The following ATAD5 variants were observed in gnomAD, a reference collection of about 807,000 sequenced individuals.
ATAD5 encodes the protein ATPase family AAA domain-containing protein 5.
In ATAD5, 58 loss-of-function variants were observed where a neutral mutation model predicts 176.9. The ratio of observed to expected loss-of-function variants is 0.33; its 90% CI spans 0.27 to 0.41. The LOEUF (loss-of-function observed/expected upper bound fraction) is 0.41, where lower values mean the gene tolerates loss of function less well. ATAD5 is among the 10% of genes least tolerant of loss of function. ATAD5 has a pLI of 1.00. For missense variants in ATAD5, 1,789 were observed against 2,094.1 expected (o/e 0.85, Z 2.84); for synonymous variants, 640 against 712.6 (o/e 0.90, Z 1.62).
At position 30,890,421 on chromosome 17, in the gene ATAD5, T is replaced by TTC. The variant is rs201927044; in HGVS notation, c.4259-2185_4259-2184insCT. Among the ~76,000 whole-genome samples, 562 of 133,848 alleles carry TTC rather than the reference T, an allele frequency of 4.2e-3. 5 individuals carry two copies. The highest frequency in any genetic ancestry group is 0.013 in the African/African-American group (483 of 37,486). The allele number at this position is 133,848 out of a possible 152,430, so 87.8% of individuals were successfully genotyped here. ...ACAGCATAATTTCTCTTCTTTTCTT[T>TTC]TTTTTTTTTTTTTTTTTTGAGATGG... On this transcript the variant is annotated intron_variant, in intron 19 of 22. Coordinates refer to ENST00000321990, the MANE Select transcript of ATAD5 (RefSeq NM_024857.5).
At chr17:30,861,261 T>G (rs1006749021) in intron 10 of ATAD5, among the ~76,000 whole-genome samples, 2 of 140,892 alleles carry the variant, frequency 1.4e-5, no homozygotes, top group Admixed American at 1.6e-4. Context: ...ATGATGACAG[T>G]CTGCACCAGA....
chr17:30,858,426 C>T (rs1907414885), intron 9 of ATAD5, 103 bp downstream of exon 9: 1 of 909,858 alleles, frequency 1.1e-6, no homozygotes, highest in Non-Finnish European at 1.4e-6. Flanking sequence ...GCTCTTGTCG[C>T]CCTGGCTGGA....
At chr17:30,874,607 C>CTATTTATT (rs200064158) in intron 14 of ATAD5, among the ~76,000 whole-genome samples, 10,155 of 133,106 alleles carry the variant, frequency 0.076, 629 homozygotes, top group African/African-American at 0.16. Flanking sequence ...ATCTGTTCAA[C>CTATTTATT]TATTTATTTA....
chr17:30,881,327 A>C (rs2142429765), intron 18 of ATAD5, among the ~76,000 whole-genome samples: 1 of 152,064 alleles, frequency 6.6e-6, no homozygotes, highest in South Asian at 2.1e-4. Context: ...GTAGTGGCAC[A>C]ATTGTCCTGT....
chr17:30,886,193 T>C (rs1440686049), intron 18 of ATAD5, among the ~76,000 whole-genome samples: 2 of 151,242 alleles, frequency 1.3e-5, no homozygotes, highest in Non-Finnish European at 2.9e-5. Context: ...TTAAGAATTG[T>C]CTTTGTTAGC....
At position 30,877,526 on chromosome 17, in the gene ATAD5, A is replaced by G. The variant is rs1417877837; in HGVS notation, c.3895A>G (p.Thr1299Ala). ...GAEEPSRKNA[T>A]SLILFEEVDV... ...TGAAGAACCCAGCAGAAAAAATGCA[A>G]CATCTCTTATTCTTTTTGAGGAGGT... The change falls in exon 16 of 23, where the codon ACA becomes GCA. Residue 1299 changes from threonine (T) to alanine (A), a missense_variant. This residue lies in a region of ATAD5 where 194 missense variants were observed against 270.1 expected (regional missense o/e 0.72). Coordinates refer to ENST00000321990, the MANE Select transcript of ATAD5 (RefSeq NM_024857.5). 1.2e-6 allele frequency: 2 copies of G among 1,611,204 alleles called. No homozygotes were observed. The highest frequency in any genetic ancestry group is 2.2e-5 in the East Asian group (1 of 44,790).
chr17:30,855,455 T>A, intron 7 of ATAD5, 128 bp downstream of exon 7: 1 of 1,018,304 alleles, frequency 9.8e-7, no homozygotes, highest in Non-Finnish European at 1.4e-6. Flanking sequence ...GTGGGAATTT[T>A]AAGGACAATT....
chr17:30,888,633 A>G (rs1909450387), intron 19 of ATAD5, among the ~76,000 whole-genome samples: 1 of 152,156 alleles, frequency 6.6e-6, no homozygotes, highest in African/African-American at 2.4e-5. Flanking sequence ...ACTCTTTACA[A>G]TTAATATATA....
chr17:30,893,110 C>A (rs9889968), intron 20 of ATAD5, among the ~76,000 whole-genome samples, 184 bp from the exon 21 acceptor site: 15,976 of 151,926 alleles, frequency 0.11, 949 homozygotes, highest in South Asian at 0.24. Context: ...CCAAATTAAT[C>A]GTCTAAATTT....
chr17:30,878,951 C>G (rs998312451), intron 17 of ATAD5, among the ~76,000 whole-genome samples: 3 of 152,038 alleles, frequency 2.0e-5, no homozygotes, highest in African/African-American at 4.8e-5. Context: ...AGGCTGGTCT[C>G]GAACTCCTGA....
rs565666737 is a variant in ATAD5, at chr17:30,843,711, TATC to T, written c.2242-199_2242-197del. Among the ~76,000 whole-genome samples, 545 of 152,044 alleles carry T rather than the reference TATC, an allele frequency of 3.6e-3. 3 individuals carry two copies. Among genetic ancestry groups the T allele is most frequent in the Non-Finnish European group, 5.9e-3 (404 of 67,966 alleles). On this transcript the variant is annotated intron_variant, in intron 4 of 22. Coordinates refer to ENST00000321990, the MANE Select transcript of ATAD5 (RefSeq NM_024857.5). ...CATGGTCATAATAAACGTACCCTGATATCATATAAACTTGTTTGATGTAAGCAT... is the reference window on the plus strand; with the variant it reads ...CATGGTCATAATAAACGTACCCTGATATATAAACTTGTTTGATGTAAGCAT...
intron 3 of ATAD5, 147 bp downstream of exon 3, chr17:30,837,461 T>G (rs1005106609): frequency 1.7e-6 from 1 of 591,074 alleles, no homozygotes; most frequent in African/African-American, 2.0e-5. Context: ...TATGATATTT[T>G]TCACTATTAT....
intron 7 of ATAD5, among the ~76,000 whole-genome samples, chr17:30,856,558 C>T (rs766262080): frequency 6.6e-6 from 1 of 152,144 alleles, no homozygotes; most frequent in Admixed American, 6.6e-5. Context: ...AAGCAATTCT[C>T]TTGCCTCAGC....
intron 6 of ATAD5, among the ~76,000 whole-genome samples, chr17:30,850,859 ATATATATATATTTTTTTTTTTTTTTT>A (rs1906891217): frequency 7.0e-5 from 2 of 28,578 alleles, no homozygotes; most frequent in African/African-American, 1.1e-4. Context: ...ATATATATAT[ATATATATATATTTTTTTTTTTTTTTT>A]TTTTTTTTTT....
At chr17:30,886,800 G>A (rs1909349274) in intron 18 of ATAD5, among the ~76,000 whole-genome samples, 1 of 151,280 alleles carries the variant, frequency 6.6e-6, no homozygotes, top group South Asian at 2.1e-4. Flanking sequence ...TTTCTAACCT[G>A]GTTTTTAAAA....
intron 11 of ATAD5, among the ~76,000 whole-genome samples, chr17:30,866,764 G>A (rs1298523299): frequency 2.0e-5 from 3 of 151,962 alleles, no homozygotes; most frequent in South Asian, 2.1e-4. Context: ...GCAGCGAGCC[G>A]AGGTCGTGCC....
chr17:30,860,710 A>T lies in ATAD5; in HGVS notation c.3136+98A>T, dbSNP rs547972438. On this transcript the variant is annotated intron_variant, in intron 10 of 22. Coordinates refer to ENST00000321990, the MANE Select transcript of ATAD5 (RefSeq NM_024857.5). ...AAGATTTTGATATGCTTTTTAAAAA[A>T]TTTTAATTCAATTGTATTTTAATTT... 28 of 983,694 alleles carry T rather than the reference A, an allele frequency of 2.8e-5. No individual in the cohort carries two copies. In the East Asian group the frequency reaches 5.0e-4, roughly 17 times the overall value. 60.9% of individuals were successfully genotyped at this position (983,694 alleles called of 1,614,324 possible).
Position 30,895,019 on chromosome 17 carries a change from T to C in ATAD5, c.*106T>C. 1.5e-6 allele frequency: 1 copy of C among 676,974 alleles called. No individual in the cohort carries two copies. The highest frequency in any genetic ancestry group is 2.2e-6 in the Non-Finnish European group (1 of 449,440). 41.9% of individuals were successfully genotyped at this position (676,974 alleles called of 1,614,324 possible). A position where few individuals can be genotyped will look rare whatever the true frequency, so the allele number is the denominator to read the frequency against. ...AAAGTATATTTCTCGATGTACATTTTAAACAAACAATTTGTATATTTTTTT... is the reference window on the plus strand; with the variant it reads ...AAAGTATATTTCTCGATGTACATTTCAAACAAACAATTTGTATATTTTTTT... On this transcript the variant is annotated 3_prime_UTR_variant, in exon 23 of 23. Transcript: ENST00000321990.
At chr17:30,840,217 A>C (rs9904753) in intron 3 of ATAD5, among the ~76,000 whole-genome samples, 14,889 of 148,000 alleles carry the variant, frequency 0.1, 870 homozygotes, top group South Asian at 0.23. Context: ...AAAAAAAAAA[A>C]AACAACCTTG....
Sources: gnomAD v4.1 joint callset for allele counts (sites outside exome capture counted in the v4.1 genomes callset) on GRCh38, gnomAD v4.1.1 for gene constraint, gnomAD v4.1.1 regional missense constraint, MANE v1.5 for transcripts, NCBI Gene and HGNC (gene_info 2026-07-23, HGNC 2026-07-21) for gene names.